KAZN: variants seen among roughly 807,000 people sequenced by gnomAD.
The protein encoded by KAZN is kazrin.
A neutral mutation model predicts 87.4 loss-of-function variants in KAZN; 40 were observed. That is an observed-to-expected ratio of 0.46 (90% CI 0.36 to 0.60). The LOEUF is 0.60. Ranked by LOEUF, KAZN falls within the 20% of genes least tolerant of loss-of-function variation. KAZN has a pLI of 0.00. For synonymous variants in KAZN, 466 were observed against 458.3 expected, an observed-to-expected ratio of 1.02 and a Z score of -0.22; for missense variants, 898 against 1,073.9, an observed-to-expected ratio of 0.84 and a Z score of 2.29.
intron 2 of KAZN, among the ~76,000 whole-genome samples, chr1:14,340,684 G>A (rs886828956): frequency 3.3e-5 from 5 of 152,060 alleles, no homozygotes; most frequent in African/African-American, 9.7e-5. Flanking sequence ...TACAAATTCC[G>A]TTCTGTTCTA....
intron 8 of KAZN, among the ~76,000 whole-genome samples, chr1:15,089,658 A>G (rs984187939): frequency 1.4e-5 from 2 of 143,098 alleles, no homozygotes; most frequent in African/African-American, 5.1e-5. Context: ...TAAATGGATT[A>G]GTCTCTGGAA....
At chr1:14,303,771 T>C (rs559611133) in intron 2 of KAZN, among the ~76,000 whole-genome samples, 14 of 152,352 alleles carry the variant, frequency 9.2e-5, no homozygotes, top group African/African-American at 3.4e-4. Flanking sequence ...GAAGTCTTTT[T>C]TAGGCATCTC....
intron 2 of KAZN, among the ~76,000 whole-genome samples, chr1:14,335,597 G>A (rs1488015104): frequency 6.6e-6 from 1 of 152,052 alleles, no homozygotes; most frequent in Non-Finnish European, 1.5e-5. Flanking sequence ...GTTTCCTGAG[G>A]TCCTCACAGA....
chr1:14,024,874 G>A (rs1201815751), intron 1 of KAZN, among the ~76,000 whole-genome samples: 1 of 152,208 alleles, frequency 6.6e-6, no homozygotes, highest in African/African-American at 2.4e-5. Flanking sequence ...TGCTGGCGTG[G>A]CATTTCTAAT....
At chr1:14,598,191 TG>T (rs1397840039), upstream of KAZN, among the ~76,000 whole-genome samples, 1 of 151,918 alleles carries the variant, frequency 6.6e-6, no homozygotes, top group African/African-American at 2.4e-5. The surrounding 1 kb of genome is among the most constrained non-coding windows in gnomAD (Gnocchi z 4.2). Context: ...GGCCTGCGGG[TG>T]GGGGGTGGAG....
chr1:15,037,528 G>C (rs776447233), intron 3 of KAZN, among the ~76,000 whole-genome samples: 1 of 152,180 alleles, frequency 6.6e-6, no homozygotes, highest in Non-Finnish European at 1.5e-5. Flanking sequence ...AGTGCTGTCA[G>C]ACCTGAGGTT....
chr1:13,950,764 T>C (rs1641315662), intron 1 of KAZN, among the ~76,000 whole-genome samples: 1 of 152,174 alleles, frequency 6.6e-6, no homozygotes, highest in African/African-American at 2.4e-5. Flanking sequence ...TTGACTTCTC[T>C]ATGTGCCTCC....
chr1:14,617,264 T>A (rs1557839739), intron 1 of KAZN, among the ~76,000 whole-genome samples: 2 of 152,184 alleles, frequency 1.3e-5, no homozygotes, highest in African/African-American at 4.8e-5. Context: ...ATAAAGTGAG[T>A]CACACAAATT....
intron 1 of KAZN, among the ~76,000 whole-genome samples, chr1:14,612,555 C>G (rs1289082053): frequency 6.6e-6 from 1 of 152,188 alleles, no homozygotes; most frequent in Admixed American, 6.5e-5. Context: ...GTGGGACATT[C>G]CAGCTCTCAG....
At chr1:14,219,663 A>G (rs1373768715) in intron 2 of KAZN, among the ~76,000 whole-genome samples, 1 of 152,198 alleles carries the variant, frequency 6.6e-6, no homozygotes, top group Non-Finnish European at 1.5e-5. Flanking sequence ...GAAGCAAAAT[A>G]TGATAGGTGC....
chr1:14,447,462 A>G (rs1053003369), intron 2 of KAZN, among the ~76,000 whole-genome samples: 2 of 151,830 alleles, frequency 1.3e-5, no homozygotes, highest in African/African-American at 2.4e-5. Flanking sequence ...GATGGTCTCG[A>G]TCTTTTCACT....
chr1:14,139,970 G>T (rs1205074594), intron 1 of KAZN, among the ~76,000 whole-genome samples: 2 of 65,288 alleles, frequency 3.1e-5, no homozygotes, highest in African/African-American at 2.3e-4. Flanking sequence ...TGTGTGTGTG[G>T]TATGTATGTG....
Position 15,096,154 on chromosome 1 carries a change from C to G in KAZN, c.1547+1221C>G, listed in dbSNP as rs956967510. On this transcript the variant is annotated intron_variant, in intron 10 of 14. Transcript: ENST00000376030. This position sits in a 1 kb window ranked among gnomAD's most constrained non-coding sequence, Gnocchi z 4.5. ...AATCCCCTCACCATCTTTGGTCACCCAAGTAGGAAATCCCTCCTGCCCCCT... is the reference window on the plus strand; with the variant it reads ...AATCCCCTCACCATCTTTGGTCACCGAAGTAGGAAATCCCTCCTGCCCCCT... 1.3e-5 allele frequency among the ~76,000 whole-genome samples: 2 copies of G among 152,116 alleles called. No homozygotes were observed. The highest frequency in any genetic ancestry group is 4.8e-5 in the African/African-American group (2 of 41,426).
At chr1:14,869,399 G>A (rs1023326402) in intron 1 of KAZN, among the ~76,000 whole-genome samples, 1 of 152,304 alleles carries the variant, frequency 6.6e-6, no homozygotes, top group African/African-American at 2.4e-5. Context: ...TCTGCACAGC[G>A]AGGCTCTAAT....
intron 2 of KAZN, among the ~76,000 whole-genome samples, chr1:14,251,802 C>T (rs1650068856): frequency 6.6e-6 from 1 of 151,838 alleles, no homozygotes; most frequent in Non-Finnish European, 1.5e-5. Context: ...ATGCATGCAA[C>T]CAAGCCCAGC....
At chr1:14,997,062 A>G (rs963053352) in intron 2 of KAZN, among the ~76,000 whole-genome samples, 1 of 151,804 alleles carries the variant, frequency 6.6e-6, no homozygotes, top group African/African-American at 2.4e-5. Context: ...CATCCTTCCC[A>G]GCCTTAGCTG....
chr1:14,394,201 G>A (rs1662700273), intron 2 of KAZN, among the ~76,000 whole-genome samples: 1 of 152,260 alleles, frequency 6.6e-6, no homozygotes, highest in Admixed American at 6.5e-5. Flanking sequence ...ATTTGCTTTA[G>A]TGTTCAAAAG....
At chr1:15,063,264 G>A (rs1207861779) in intron 6 of KAZN, 1 of 399,408 alleles carries the variant, frequency 2.5e-6, no homozygotes, top group Admixed American at 3.7e-5. Context: ...TAACTCAGAG[G>A]ACAGACTGGG....
At chr1:14,589,893 G>A (rs967812471) in intron 2 of KAZN, among the ~76,000 whole-genome samples, 15 of 152,150 alleles carry the variant, frequency 9.9e-5, no homozygotes, top group Non-Finnish European at 1.5e-5. Context: ...TGAACTCAAG[G>A]AAGCAGAAGT....
Sources: gnomAD v4.1 joint callset for allele counts (sites outside exome capture counted in the v4.1 genomes callset) on GRCh38, gnomAD v4.1.1 for gene constraint, Gnocchi (gnomAD v3.1) non-coding constraint, MANE v1.5 for transcripts, NCBI Gene and HGNC (gene_info 2026-07-23, HGNC 2026-07-21) for gene names.